Variants in SCHIP1 observed in about 807,000 individuals in gnomAD.
The protein encoded by SCHIP1 is schwannomin-interacting protein 1.
A neutral mutation model predicts 29.7 loss-of-function variants in SCHIP1; 8 were observed. The observed-to-expected ratio is 0.27, with a 90% CI of 0.16 to 0.49. SCHIP1 has a LOEUF of 0.49. SCHIP1 is among the 20% of genes least tolerant of loss of function. The pLI, the probability that SCHIP1 is intolerant of heterozygous loss-of-function variation, is 0.99. For missense variants in SCHIP1, 193 were observed against 294.6 expected (o/e 0.66, Z 2.52); for synonymous variants, 76 against 94.9 (o/e 0.80, Z 1.16).
At chr3:159,368,055 C>T in the SCHIP1 span, among the ~76,000 whole-genome samples, 2 of 152,278 alleles carry the variant, frequency 1.3e-5, no homozygotes, top group South Asian at 4.1e-4. Context: ...GTCTTTCTAA[C>T]CTCCATGTCA....
the SCHIP1 span, among the ~76,000 whole-genome samples, chr3:159,778,562 C>A: frequency 4.6e-5 from 7 of 152,056 alleles, no homozygotes; most frequent in African/African-American, 1.7e-4. Flanking sequence ...TAAAACTATT[C>A]GACAACTGTA....
chr3:159,688,070 C>T, the SCHIP1 span, among the ~76,000 whole-genome samples: 2 of 151,988 alleles, frequency 1.3e-5, no homozygotes, highest in Non-Finnish European at 1.5e-5. Flanking sequence ...TATGTGTGTA[C>T]GTGTCTTTAT....
At chr3:159,338,978 G>A in the SCHIP1 span, among the ~76,000 whole-genome samples, 2 of 152,042 alleles carry the variant, frequency 1.3e-5, no homozygotes, top group African/African-American at 4.8e-5. Context: ...AACCTAAAAT[G>A]TGGTGCCTCA....
the SCHIP1 span, among the ~76,000 whole-genome samples, chr3:159,474,764 C>A: frequency 6.6e-6 from 1 of 152,072 alleles, no homozygotes; most frequent in Non-Finnish European, 1.5e-5. Context: ...AAACACATTC[C>A]CTGGTCAAAT....
the SCHIP1 span, chr3:159,764,542 T>G: frequency 6.3e-7 from 1 of 1,593,226 alleles, no homozygotes; most frequent in Non-Finnish European, 8.5e-7. The surrounding 1 kb of genome is among the most constrained non-coding windows in gnomAD (Gnocchi z 6.1). Context: ...AGTGACCCCT[T>G]GCTCCGAGTG....
intron 1 of SCHIP1, 57 bp from the exon 3 acceptor site, chr3:159,866,106 T>C: frequency 6.7e-7 from 1 of 1,482,848 alleles, no homozygotes; most frequent in Non-Finnish European, 9.4e-7. Flanking sequence ...TTAGACTGCC[T>C]GTGGTTGTGC....
chr3:159,766,650 T>G, the SCHIP1 span, among the ~76,000 whole-genome samples: 1 of 152,130 alleles, frequency 6.6e-6, no homozygotes, highest in Admixed American at 6.5e-5. Flanking sequence ...AAAGTTAGGG[T>G]TTGATGGTGA....
chr3:159,361,709 A>T, the SCHIP1 span, among the ~76,000 whole-genome samples: 2,648 of 152,316 alleles, frequency 0.017, 83 homozygotes, highest in African/African-American at 0.061. Context: ...AGACCATGCT[A>T]TTCACAGTGG....
chr3:159,630,701 T>C, the SCHIP1 span, among the ~76,000 whole-genome samples: 2 of 151,916 alleles, frequency 1.3e-5, no homozygotes, highest in Middle Eastern at 3.2e-3. Flanking sequence ...GAATGATACA[T>C]TGGACTTTGG....
the SCHIP1 span, chr3:159,764,490 C>A: frequency 6.3e-7 from 1 of 1,588,004 alleles, no homozygotes; most frequent in Non-Finnish European, 8.6e-7. The surrounding 1 kb of genome is among the most constrained non-coding windows in gnomAD (Gnocchi z 6.1). Flanking sequence ...CCGGCAGCAG[C>A]AGCAGCAGCA....
the SCHIP1 span, among the ~76,000 whole-genome samples, chr3:159,626,244 C>A: frequency 1.2e-4 from 11 of 91,702 alleles, no homozygotes; most frequent in South Asian, 6.4e-4. Context: ...ATATATCTAT[C>A]TATCTATATA....
the SCHIP1 span, among the ~76,000 whole-genome samples, chr3:159,346,686 A>ACAGCAC: frequency 6.6e-6 from 1 of 152,238 alleles, no homozygotes; most frequent in African/African-American, 2.4e-5. Context: ...ATAATCACCC[A>ACAGCAC]CAGCACCCCC....
the SCHIP1 span, among the ~76,000 whole-genome samples, chr3:159,808,063 ATT>A: frequency 6.6e-6 from 1 of 152,220 alleles, no homozygotes. Context: ...AACAAGGAAC[ATT>A]TGTTCAGCTT....
At chr3:159,630,627 G>C in the SCHIP1 span, among the ~76,000 whole-genome samples, 1 of 112,908 alleles carries the variant, frequency 8.9e-6, no homozygotes, top group African/African-American at 1.1e-4. Context: ...GTGGAGCTAA[G>C]CTATGAGGAC....
the SCHIP1 span, among the ~76,000 whole-genome samples, chr3:159,363,522 C>A: frequency 6.6e-6 from 1 of 152,170 alleles, no homozygotes; most frequent in African/African-American, 2.4e-5. Flanking sequence ...GCCATTGCCC[C>A]TCCCCACCAG....
exon 1 of SCHIP1, chr3:159,840,047 C>T (rs1744075435): frequency 1.3e-6 from 2 of 1,482,896 alleles, no homozygotes; most frequent in Admixed American, 2.3e-5. Flanking sequence ...ATCAGCGAAA[C>T]AGCATCCATT....
At chr3:159,360,387 C>T in the SCHIP1 span, among the ~76,000 whole-genome samples, 1 of 152,146 alleles carries the variant, frequency 6.6e-6, no homozygotes, top group Admixed American at 6.5e-5. Context: ...GGAAATAGAA[C>T]AATTCTAATA....
At chr3:159,399,784 T>G in the SCHIP1 span, among the ~76,000 whole-genome samples, 1 of 152,144 alleles carries the variant, frequency 6.6e-6, no homozygotes, top group Admixed American at 6.6e-5. Context: ...TCAAGCAATC[T>G]TATTTCTTCA....
At chr3:159,454,083 T>C in the SCHIP1 span, among the ~76,000 whole-genome samples, 3 of 152,224 alleles carry the variant, frequency 2.0e-5, no homozygotes, top group African/African-American at 7.2e-5. Context: ...CAGCTGATTT[T>C]GTTTCATTTC....
Sources: allele counts gnomAD v4.1 joint callset (sites outside exome capture counted in the v4.1 genomes callset), GRCh38; gene constraint gnomAD v4.1.1; non-coding constraint Gnocchi (gnomAD v3.1); transcripts MANE v1.5; gene names NCBI Gene and HGNC (gene_info 2026-07-23, HGNC 2026-07-21).